Variants in RALYL observed in about 807,000 individuals in gnomAD.
The protein encoded by RALYL is RNA-binding Raly-like protein.
A neutral mutation model predicts 35.1 loss-of-function variants in RALYL; 29 were observed. The ratio of observed to expected loss-of-function variants is 0.83; its 90% CI spans 0.61 to 1.13. The LOEUF is 1.13. Ranked by LOEUF, RALYL falls within the 50% of genes most tolerant of loss-of-function variation. The pLI is 0.00. For missense variants in RALYL, 359 were observed against 360.4 expected, an observed-to-expected ratio of 1.00 and a Z score of 0.03; for synonymous variants, 120 against 127.6, an observed-to-expected ratio of 0.94 and a Z score of 0.40.
intron 2 of RALYL, among the ~76,000 whole-genome samples, chr8:84,664,263 ATT>A (rs60423756): frequency 4.1e-3 from 235 of 58,016 alleles, no homozygotes; most frequent in East Asian, 0.032. Flanking sequence ...ATGCCTCTAG[ATT>A]TTTTTTTTTT....
intron 1 of RALYL, among the ~76,000 whole-genome samples, chr8:84,220,950 T>C (rs1351367028): frequency 6.6e-6 from 1 of 152,004 alleles, no homozygotes; most frequent in Non-Finnish European, 1.5e-5. Context: ...AATATATTTA[T>C]ATCATGTAGT....
chr8:84,662,795 A>T (rs562717555), intron 2 of RALYL, among the ~76,000 whole-genome samples: 1 of 152,286 alleles, frequency 6.6e-6, no homozygotes, highest in African/African-American at 2.4e-5. Flanking sequence ...AAAATAGTAT[A>T]AAAATGCATA....
At chr8:84,226,703 A>G (rs183361154) in intron 1 of RALYL, among the ~76,000 whole-genome samples, 1 of 152,310 alleles carries the variant, frequency 6.6e-6, no homozygotes, top group East Asian at 1.9e-4. Context: ...ATTTTTTTTG[A>G]AAAGCAGTAG....
At chr8:84,584,697 G>A (rs117243255) in intron 2 of RALYL, among the ~76,000 whole-genome samples, 357 of 151,808 alleles carry the variant, frequency 2.4e-3, no homozygotes, top group African/African-American at 8.1e-3. Flanking sequence ...TCTTTTTTAC[G>A]TTTCTTTTTC....
In RALYL at chr8:84,309,849, G is replaced by A. The variant is rs112817263; in HGVS notation, c.-24+125425G>A. On this transcript the variant is annotated intron_variant, in intron 1 of 8. Transcript: ENST00000521268. Reference sequence around the variant, plus strand: ...GTCACTCAGTCTGGAGTGCAGTGGCGCCATCTCAGCTCACTGCAACCCCCG... The same window carrying A: ...GTCACTCAGTCTGGAGTGCAGTGGCACCATCTCAGCTCACTGCAACCCCCG... 4.7e-4 allele frequency among the ~76,000 whole-genome samples: 71 copies of A among 151,764 alleles called. 1 individual carries two copies. Among genetic ancestry groups the A allele is most frequent in the African/African-American group, 1.6e-3 (67 of 41,406 alleles).
At chr8:84,246,191 C>A (rs1039772788) in intron 1 of RALYL, among the ~76,000 whole-genome samples, 1 of 152,006 alleles carries the variant, frequency 6.6e-6, no homozygotes. Context: ...GAGCTTTTCC[C>A]TTCCTTCCTC....
At chr8:84,666,066 G>T (rs1831966360) in intron 2 of RALYL, among the ~76,000 whole-genome samples, 1 of 151,998 alleles carries the variant, frequency 6.6e-6, no homozygotes, top group Admixed American at 6.6e-5. Context: ...TTCGGGTATT[G>T]ATATGCTTTT....
At chr8:84,275,644 A>G (rs1018109141) in intron 1 of RALYL, among the ~76,000 whole-genome samples, 9 of 152,072 alleles carry the variant, frequency 5.9e-5, no homozygotes, top group Non-Finnish European at 8.8e-5. Context: ...TCTTTCTATC[A>G]AATCGAAATT....
chr8:84,199,580 T>C (rs1586114606), intron 1 of RALYL, among the ~76,000 whole-genome samples: 1 of 152,200 alleles, frequency 6.6e-6, no homozygotes, highest in South Asian at 2.1e-4. Flanking sequence ...CAGACCAATG[T>C]CCTGGAGAGT....
chr8:84,727,944 G>A (rs1426029894), intron 2 of RALYL, among the ~76,000 whole-genome samples: 1 of 152,008 alleles, frequency 6.6e-6, no homozygotes, highest in Admixed American at 6.6e-5. Context: ...ACATGTGCAT[G>A]TGTCTTTATA....
At chr8:84,364,967 T>C (rs1470986595) in intron 1 of RALYL, among the ~76,000 whole-genome samples, 3 of 152,154 alleles carry the variant, frequency 2.0e-5, no homozygotes, top group Non-Finnish European at 4.4e-5. Context: ...TTTTACTTGC[T>C]AAACATCCCT....
intron 2 of RALYL, among the ~76,000 whole-genome samples, chr8:84,649,341 A>G (rs1419914972): frequency 1.3e-5 from 2 of 152,016 alleles, no homozygotes; most frequent in African/African-American, 2.4e-5. Flanking sequence ...TGTTTTAGAC[A>G]TGAAGTCCTT....
At chr8:84,582,332 C>G (rs1407033755) in intron 2 of RALYL, among the ~76,000 whole-genome samples, 1 of 152,004 alleles carries the variant, frequency 6.6e-6, no homozygotes, top group Non-Finnish European at 1.5e-5. Flanking sequence ...ACTGTTATAA[C>G]AAACGTAACT....
intron 2 of RALYL, among the ~76,000 whole-genome samples, chr8:84,614,274 A>C (rs1337777396): frequency 6.6e-6 from 1 of 151,628 alleles, no homozygotes; most frequent in Non-Finnish European, 1.5e-5. Flanking sequence ...TGGTGTTGGA[A>C]GTAGTCTTAT....
At chr8:84,660,000 A>T (rs913088031) in intron 2 of RALYL, among the ~76,000 whole-genome samples, 1 of 152,154 alleles carries the variant, frequency 6.6e-6, no homozygotes, top group Non-Finnish European at 1.5e-5. Flanking sequence ...TACAATGATT[A>T]CCAATAGGGA....
intron 5 of RALYL, among the ~76,000 whole-genome samples, chr8:84,860,374 C>T (rs1837873917): frequency 6.6e-6 from 1 of 152,230 alleles, no homozygotes; most frequent in Non-Finnish European, 1.5e-5. Context: ...GCAACTTCTA[C>T]TCTAGAAGAG....
Position 84,772,711 on chromosome 8 carries a change from T to G in RALYL, c.257-1868T>G, listed in dbSNP as rs1432228723. On this transcript the variant is annotated intron_variant, in intron 2 of 8. Coordinates refer to ENST00000521268, the MANE Select transcript of RALYL (RefSeq NM_173848.7). ...AAACTTATTAAACTCTCTTATTAAT[T>G]GTAATAATCTGTGGATGCTTTACAA... Among the ~76,000 whole-genome samples the G allele has an allele frequency of 2.6e-5, 4 of 152,116 alleles. No homozygotes were observed. In the East Asian group the frequency reaches 7.7e-4, roughly 29 times the overall value.
chr8:84,678,009 A>G (rs1834559061), intron 2 of RALYL, among the ~76,000 whole-genome samples: 2 of 152,188 alleles, frequency 1.3e-5, no homozygotes, highest in South Asian at 4.1e-4. Context: ...TGTGCTTCAG[A>G]GTGAAGTCAA....
At chr8:84,283,743 G>A (rs2132116911) in intron 1 of RALYL, among the ~76,000 whole-genome samples, 1 of 152,120 alleles carries the variant, frequency 6.6e-6, no homozygotes, top group South Asian at 2.1e-4. Context: ...CCAATAGATT[G>A]GCTTACCCAA....
Sources: gnomAD v4.1 joint callset for allele counts (sites outside exome capture counted in the v4.1 genomes callset) on GRCh38, gnomAD v4.1.1 for gene constraint, MANE v1.5 for transcripts, NCBI Gene and HGNC (gene_info 2026-07-23, HGNC 2026-07-21) for gene names.